The following SCARA5 variants were observed in gnomAD, a reference collection of about 807,000 sequenced individuals.
The protein encoded by SCARA5 is scavenger receptor class A member 5, also known as scavenger receptor class A, member 5 (putative).
In SCARA5, 45 loss-of-function variants were observed where a neutral mutation model predicts 46.3. That is an observed-to-expected ratio of 0.97 (90% CI 0.76 to 1.24). The LOEUF is 1.24. Among genes scored for constraint, SCARA5 ranks in the 50% most tolerant of loss-of-function variants. The pLI is 0.00. For missense variants in SCARA5, 680 were observed against 689.0 expected, an observed-to-expected ratio of 0.99 and a Z score of 0.15; for synonymous variants, 333 against 306.5, an observed-to-expected ratio of 1.09 and a Z score of -0.90.
At chr8:27,928,002 G>C (rs575197151) in intron 3 of SCARA5, among the ~76,000 whole-genome samples, 1 of 152,262 alleles carries the variant, frequency 6.6e-6, no homozygotes, top group Non-Finnish European at 1.5e-5. Flanking sequence ...TCAGGTACCG[G>C]GGCTAATCAG....
At chr8:27,983,252 G>A (rs1808651530) in intron 2 of SCARA5, among the ~76,000 whole-genome samples, 1 of 152,216 alleles carries the variant, frequency 6.6e-6, no homozygotes, top group Admixed American at 6.5e-5. Flanking sequence ...AGGTGGATGG[G>A]CAGGAGGGCG....
At chr8:27,889,968 CTG>C (rs1487812536) in intron 7 of SCARA5, among the ~76,000 whole-genome samples, 2 of 152,142 alleles carry the variant, frequency 1.3e-5, no homozygotes, top group East Asian at 3.8e-4. Context: ...TTATCAATGT[CTG>C]TGTTTATTTT....
intron 7 of SCARA5, among the ~76,000 whole-genome samples, chr8:27,891,940 G>T (rs1806990407): frequency 6.6e-6 from 1 of 152,244 alleles, no homozygotes; most frequent in Non-Finnish European, 1.5e-5. Context: ...TTAGACGTCA[G>T]ATGTGGTTAG....
In SCARA5 at chr8:27,907,144, T is replaced by C. The variant is rs374235257; in HGVS notation, c.1096+4A>G. On this transcript the variant is annotated splice_donor_region_variant and intron_variant, in intron 6 of 8. Coordinates refer to ENST00000354914, the MANE Select transcript of SCARA5 (RefSeq NM_173833.6). ...GGCTCAGGGAGAACTGAGATTGTTATTACCTTTGAACCCACGCATGCCCAT... is the reference window on the plus strand; with the variant it reads ...GGCTCAGGGAGAACTGAGATTGTTACTACCTTTGAACCCACGCATGCCCAT... 2.2e-5 allele frequency: 35 copies of C among 1,608,722 alleles called. No homozygotes were observed. Among genetic ancestry groups the C allele is most frequent in the Non-Finnish European group, 2.6e-5 (31 of 1,176,300 alleles).
chr8:27,904,444 A>C, intron 7 of SCARA5: 1 of 483,282 alleles, frequency 2.1e-6, no homozygotes, highest in Non-Finnish European at 3.7e-6. Flanking sequence ...TGACCTTATA[A>C]GGTAAAGACT....
At chr8:27,886,985 CCT>C in intron 7 of SCARA5, among the ~76,000 whole-genome samples, 1 of 152,264 alleles carries the variant, frequency 6.6e-6, no homozygotes, top group East Asian at 1.9e-4. Context: ...CAGGGAGATG[CCT>C]CTCTCTGCAC....
At chr8:27,960,593 A>G (rs562448956) in intron 3 of SCARA5, among the ~76,000 whole-genome samples, 1 of 152,348 alleles carries the variant, frequency 6.6e-6, no homozygotes, top group East Asian at 1.9e-4. Flanking sequence ...TACAGATGAA[A>G]AAACCAAGTC....
At chr8:27,883,168 C>T (rs1806838089) in intron 7 of SCARA5, among the ~76,000 whole-genome samples, 3 of 152,216 alleles carry the variant, frequency 2.0e-5, no homozygotes, top group Non-Finnish European at 4.4e-5. Context: ...TCAATGTTTG[C>T]AGAATGTAGT....
chr8:27,921,459 A>T, intron 4 of SCARA5, 112 bp downstream of exon 4: 1 of 880,766 alleles, frequency 1.1e-6, no homozygotes, highest in Non-Finnish European at 1.7e-6. Context: ...TGGCAAGTGC[A>T]CTTGGGGATG....
intron 3 of SCARA5, among the ~76,000 whole-genome samples, chr8:27,932,674 G>T (rs1585498148): frequency 1.3e-5 from 2 of 152,148 alleles, no homozygotes; most frequent in South Asian, 4.1e-4. Context: ...TGTTGCCCAG[G>T]CTGGAGGGCA....
At chr8:27,904,728 C>T in intron 7 of SCARA5, 50 bp downstream of exon 7, 1 of 1,518,422 alleles carries the variant, frequency 6.6e-7, no homozygotes, top group South Asian at 1.1e-5. Flanking sequence ...TGGGGGACAG[C>T]TAGCCCTGTG....
At chr8:27,909,606 C>T (rs999178583) in intron 5 of SCARA5, 57 bp downstream of exon 5, 30 of 1,217,932 alleles carry the variant, frequency 2.5e-5, no homozygotes, top group African/African-American at 1.6e-4. Flanking sequence ...AAGAAAGTAG[C>T]GGGTAGAGAT....
intron 3 of SCARA5, among the ~76,000 whole-genome samples, chr8:27,964,801 G>T (rs1808343786): frequency 1.3e-5 from 2 of 152,042 alleles, no homozygotes; most frequent in South Asian, 4.2e-4. Flanking sequence ...CACCAGCCTG[G>T]TCCCTCTCCT....
intron 3 of SCARA5, among the ~76,000 whole-genome samples, chr8:27,933,064 T>C (rs1401271576): frequency 6.6e-6 from 1 of 152,192 alleles, no homozygotes. Context: ...GGATTCAACA[T>C]GTGAATTTTA....
chr8:27,886,239 C>G (rs917421852), intron 7 of SCARA5: 2 of 152,568 alleles, frequency 1.3e-5, no homozygotes, highest in East Asian at 1.9e-4. Flanking sequence ...GGGCTTCCCC[C>G]CATGGTGGAG....
chr8:27,972,967 A>G (rs1808468996), intron 2 of SCARA5, among the ~76,000 whole-genome samples: 1 of 152,152 alleles, frequency 6.6e-6, no homozygotes, highest in Admixed American at 6.6e-5. Context: ...CTCATTATCA[A>G]CCATTATCTC....
chr8:27,879,562 G>A lies in SCARA5; in HGVS notation c.1351+7C>T, dbSNP rs1438822872. ...TCCTCATGTTTTTTGCCCTCAGAGC[G>A]CCTTACCTTGCCCGAATCGAGCTGT... On this transcript the variant is annotated splice_region_variant and intron_variant, in intron 8 of 8. Coordinates refer to ENST00000354914, the MANE Select transcript of SCARA5 (RefSeq NM_173833.6). 2.5e-6 allele frequency: 4 copies of A among 1,604,446 alleles called. No homozygotes were observed. Among genetic ancestry groups the A allele is most frequent in the African/African-American group, 1.3e-5 (1 of 74,870 alleles).
intron 3 of SCARA5, among the ~76,000 whole-genome samples, chr8:27,952,761 ATTAT>A (rs1296131726): frequency 1.7e-4 from 26 of 152,214 alleles, no homozygotes; most frequent in Admixed American, 1.6e-3. Context: ...GTGTGCAAGC[ATTAT>A]TTATTGTAGC....
At chr8:27,949,249 C>G (rs866159930) in intron 3 of SCARA5, among the ~76,000 whole-genome samples, 10 of 152,250 alleles carry the variant, frequency 6.6e-5, no homozygotes, top group African/African-American at 2.2e-4. Flanking sequence ...CACAGGGGAA[C>G]AGCAGGGATT....
Sources: allele counts gnomAD v4.1 joint callset (sites outside exome capture counted in the v4.1 genomes callset), GRCh38; gene constraint gnomAD v4.1.1; transcripts MANE v1.5; gene names NCBI Gene and HGNC (gene_info 2026-07-23, HGNC 2026-07-21).